The following ASIC2 variants were observed in gnomAD, a reference collection of about 807,000 sequenced individuals.
ASIC2 encodes the protein acid sensing ion channel subunit 2.
Under a neutral mutation model 57.3 loss-of-function variants are expected in ASIC2, and 25 were observed. The observed-to-expected ratio is 0.44, with a 90% confidence interval of 0.32 to 0.61. The LOEUF (loss-of-function observed/expected upper bound fraction) is 0.61. Among genes scored for constraint, ASIC2 ranks in the 20% least tolerant of loss-of-function variants. The pLI, the probability that ASIC2 is intolerant of heterozygous loss-of-function variation, is 0.06. For synonymous variants in ASIC2, 319 were observed against 307.5 expected (o/e 1.04, Z -0.39); for missense variants, 641 against 738.1 (o/e 0.87, Z 1.52).
chr17:33,408,459 G>A (rs990999384), intron 1 of ASIC2, among the ~76,000 whole-genome samples: 4 of 152,204 alleles, frequency 2.6e-5, no homozygotes, highest in African/African-American at 7.2e-5. Flanking sequence ...ACTTAGCTAT[G>A]TGAGCTCAGT....
intron 2 of ASIC2, among the ~76,000 whole-genome samples, chr17:33,104,880 C>T (rs990764294): frequency 2.6e-5 from 4 of 152,184 alleles, no homozygotes; most frequent in African/African-American, 9.7e-5. Flanking sequence ...TACAACCTCT[C>T]TGGGCTCTGT....
chr17:33,621,043 G>A (rs1905776343), intron 1 of ASIC2, among the ~76,000 whole-genome samples: 1 of 152,152 alleles, frequency 6.6e-6, no homozygotes, highest in Non-Finnish European at 1.5e-5. Flanking sequence ...GTATTCAAGA[G>A]GCTAGCTGCT....
At chr17:33,150,005 T>C (rs573537193) in intron 1 of ASIC2, among the ~76,000 whole-genome samples, 1 of 152,320 alleles carries the variant, frequency 6.6e-6, no homozygotes, top group Non-Finnish European at 1.5e-5. Context: ...TTTAAGATAA[T>C]TGCATGAATA....
At chr17:33,031,497 A>T (rs1041827786) in intron 3 of ASIC2, among the ~76,000 whole-genome samples, 3 of 152,138 alleles carry the variant, frequency 2.0e-5, no homozygotes, top group Admixed American at 6.5e-5. Context: ...TGTTTTTATG[A>T]TACTGGACAA....
chr17:33,391,094 G>A (rs1909872516), intron 1 of ASIC2, among the ~76,000 whole-genome samples: 1 of 152,186 alleles, frequency 6.6e-6, no homozygotes, highest in African/African-American at 2.4e-5. Flanking sequence ...CAATGTCCCA[G>A]ATTCTGATTT....
rs576310649 is a variant in ASIC2, at chr17:33,470,638, G to A, written c.556-358571C>T. On this transcript the variant is annotated intron_variant, in intron 1 of 9. Transcript: ENST00000359872. Reference sequence around the variant, plus strand: ...CACTAAAGCCATCACCTGCTCTTCAGTTCTTGCTGGGATAGTGGGACTCAG... The same window carrying A: ...CACTAAAGCCATCACCTGCTCTTCAATTCTTGCTGGGATAGTGGGACTCAG... 8.5e-5 allele frequency among the ~76,000 whole-genome samples: 13 copies of A among 152,286 alleles called. No individual in the cohort carries two copies. In the South Asian group the frequency reaches 2.7e-3, roughly 32 times the overall value.
At chr17:33,038,635 A>C (rs1283713970) in intron 3 of ASIC2, among the ~76,000 whole-genome samples, 1 of 152,174 alleles carries the variant, frequency 6.6e-6, no homozygotes, top group East Asian at 1.9e-4. Context: ...TAATTGCTTA[A>C]ATTTATGAAC....
chr17:33,266,804 G>A (rs1365531810), intron 1 of ASIC2, among the ~76,000 whole-genome samples: 1 of 152,164 alleles, frequency 6.6e-6, no homozygotes, highest in Non-Finnish European at 1.5e-5. Flanking sequence ...AAGAAAGGCA[G>A]GGGGCCATTA....
At chr17:33,866,229 C>T (rs1352216228) in intron 1 of ASIC2, among the ~76,000 whole-genome samples, 1 of 152,176 alleles carries the variant, frequency 6.6e-6, no homozygotes, top group Non-Finnish European at 1.5e-5. Context: ...ACTTACAAGA[C>T]ACACTTCTTA....
At chr17:34,044,093 C>G (rs1436796403) in intron 1 of ASIC2, among the ~76,000 whole-genome samples, 2 of 145,330 alleles carry the variant, frequency 1.4e-5, no homozygotes, top group Non-Finnish European at 3.0e-5. Context: ...TGGGCCATAC[C>G]CTTGAATCAC....
chr17:34,035,828 A>G (rs1371911726), intron 1 of ASIC2, among the ~76,000 whole-genome samples: 2 of 152,170 alleles, frequency 1.3e-5, no homozygotes, highest in African/African-American at 4.8e-5. Flanking sequence ...CAAAACCACA[A>G]TGAGATACCA....
At chr17:33,079,297 C>T (rs1486548650) in intron 3 of ASIC2, among the ~76,000 whole-genome samples, 1 of 152,108 alleles carries the variant, frequency 6.6e-6, no homozygotes, top group East Asian at 1.9e-4. Flanking sequence ...ACATAATACT[C>T]TGGTATGGCC....
chr17:33,321,894 T>G (rs1318622997), intron 1 of ASIC2, among the ~76,000 whole-genome samples: 2 of 152,202 alleles, frequency 1.3e-5, no homozygotes, highest in African/African-American at 4.8e-5. Context: ...GCAGGCTGGT[T>G]TGGACCAGAC....
chr17:33,292,988 G>A lies in ASIC2; in HGVS notation c.-873C>T. On this transcript the variant is annotated 5_prime_UTR_variant, in exon 1 of 10. Coordinates refer to ENST00000225823, the MANE Select transcript of ASIC2 (RefSeq NM_183377.2). ...GCTTCTCGCCTCGGCTCTCCCAGGT[G>A]CCTCGCGTCTCCAGAAAAGCCCAGC... 1.0e-6 allele frequency: 1 copy of A among 985,556 alleles called. No individual in the cohort carries two copies. The highest frequency in any genetic ancestry group is 1.2e-6 in the Non-Finnish European group (1 of 830,014). 61.1% of individuals were successfully genotyped at this position (985,556 alleles called of 1,614,324 possible).
At chr17:33,978,749 C>T (rs890690087) in intron 1 of ASIC2, among the ~76,000 whole-genome samples, 1 of 152,094 alleles carries the variant, frequency 6.6e-6, no homozygotes, top group African/African-American at 2.4e-5. Flanking sequence ...TCCAACCCTG[C>T]CTTGGACAGA....
At chr17:33,626,181 T>C (rs187678785) in intron 1 of ASIC2, among the ~76,000 whole-genome samples, 18 of 152,308 alleles carry the variant, frequency 1.2e-4, no homozygotes, top group African/African-American at 4.1e-4. Flanking sequence ...TTAAGGAGCT[T>C]TGAATGAATA....
At chr17:33,797,859 G>A (rs759766288) in intron 1 of ASIC2, among the ~76,000 whole-genome samples, 2 of 152,178 alleles carry the variant, frequency 1.3e-5, no homozygotes, top group Non-Finnish European at 2.9e-5. Flanking sequence ...ACACCTGAGT[G>A]CTTCTTCCTA....
upstream of ASIC2, among the ~76,000 whole-genome samples, chr17:33,295,372 A>C (rs1905682363): frequency 6.6e-6 from 1 of 152,210 alleles, no homozygotes; most frequent in South Asian, 2.1e-4. Context: ...TCTTTATGGC[A>C]CATGTATGCA....
At chr17:33,297,484 T>A (rs1905764514), upstream of ASIC2, among the ~76,000 whole-genome samples, 1 of 152,192 alleles carries the variant, frequency 6.6e-6, no homozygotes, top group South Asian at 2.1e-4. Flanking sequence ...CACTTTCTTT[T>A]AGGGCTGTTA....
Sources: allele counts gnomAD v4.1 joint callset (sites outside exome capture counted in the v4.1 genomes callset), GRCh38; gene constraint gnomAD v4.1.1; transcripts MANE v1.5; gene names NCBI Gene and HGNC (gene_info 2026-07-23, HGNC 2026-07-21).